The following PTN variants were observed in gnomAD, a reference collection of about 807,000 sequenced individuals.
The protein encoded by PTN is heparin affin regulatory protein.
A neutral mutation model predicts 24.1 loss-of-function variants in PTN; 18 were observed. That is an observed-to-expected ratio of 0.75 (90% confidence interval 0.52 to 1.11). PTN has a LOEUF of 1.11. Among genes scored for constraint, PTN ranks in the 50% least tolerant of loss-of-function variants. The pLI, the probability that PTN is intolerant of heterozygous loss-of-function variation, is 0.00. For missense variants in PTN, 163 were observed against 198.8 expected, an observed-to-expected ratio of 0.82 and a Z score of 1.08; for synonymous variants, 78 against 68.6, an observed-to-expected ratio of 1.14 and a Z score of -0.67.
intron 1 of PTN, among the ~76,000 whole-genome samples, chr7:137,331,194 A>G (rs1035278194): frequency 6.6e-6 from 1 of 152,132 alleles, no homozygotes; most frequent in Non-Finnish European, 1.5e-5. Flanking sequence ...TGCTTTTAGG[A>G]AATGTGGATC....
chr7:137,257,447 T>C (rs1455639196), intron 1 of PTN, among the ~76,000 whole-genome samples: 2 of 152,214 alleles, frequency 1.3e-5, no homozygotes, highest in Admixed American at 6.5e-5. Flanking sequence ...TCTAGACTCA[T>C]AGGTTTGCAA....
At position 137,246,180 on chromosome 7, in the gene PTN, T is replaced by C. The variant is rs905437684; in HGVS notation, c.451+5050A>G. On this transcript the variant is annotated intron_variant, in intron 4 of 4. Transcript: ENST00000348225. The stretch of plus-strand genomic sequence containing the variant: ...GTAAGTGCCCTACAGAGATGTACCA[T>C]TTTTTTCTTTTATACCATATTTTTA... 2.6e-5 allele frequency among the ~76,000 whole-genome samples: 4 copies of C among 152,144 alleles called. No individual in the cohort carries two copies. In the East Asian group the frequency reaches 7.7e-4, roughly 29 times the overall value.
In PTN at chr7:137,297,962, T is replaced by C. The variant is rs529638274; in HGVS notation, c.-1-42988A>G. ...TTACCGTCTGCACTCACTAACCCTG[T>C]CACAAGCTTGTTCCACATCTAACTC... On this transcript the variant is annotated intron_variant, in intron 1 of 4. Transcript: ENST00000348225. Among the ~76,000 whole-genome samples, 3 of 152,062 alleles carry C rather than the reference T, an allele frequency of 2.0e-5. No homozygotes were observed. In the East Asian group the frequency reaches 5.8e-4, roughly 30 times the overall value.
intron 1 of PTN, among the ~76,000 whole-genome samples, chr7:137,261,866 A>C (rs989704954): frequency 2.0e-5 from 3 of 152,198 alleles, no homozygotes; most frequent in Non-Finnish European, 4.4e-5. Flanking sequence ...CTTTCTCTGC[A>C]TGTGGGGCAG....
chr7:137,230,918 T>C (rs187043296), intron 4 of PTN, among the ~76,000 whole-genome samples: 48 of 152,008 alleles, frequency 3.2e-4, no homozygotes, highest in Middle Eastern at 6.8e-3. Context: ...TGTTTTTCTC[T>C]CTAGTCTCTG....
At chr7:137,232,893 T>C (rs2128867560) in intron 4 of PTN, among the ~76,000 whole-genome samples, 1 of 152,046 alleles carries the variant, frequency 6.6e-6, no homozygotes, top group African/African-American at 2.4e-5. Context: ...TCATTCTCTT[T>C]CCTGCCACCC....
At chr7:137,325,053 T>A (rs1585045573) in intron 1 of PTN, among the ~76,000 whole-genome samples, 1 of 152,270 alleles carries the variant, frequency 6.6e-6, no homozygotes, top group East Asian at 1.9e-4. Flanking sequence ...AGGAAACAGA[T>A]AAGGCAGAGC....
At chr7:137,258,288 A>G (rs559458177) in intron 1 of PTN, among the ~76,000 whole-genome samples, 1 of 152,218 alleles carries the variant, frequency 6.6e-6, no homozygotes, top group Non-Finnish European at 1.5e-5. Flanking sequence ...GTAGAATGGA[A>G]ATACACTCTA....
At chr7:137,248,862 A>C (rs1327392003) in intron 4 of PTN, among the ~76,000 whole-genome samples, 1 of 152,102 alleles carries the variant, frequency 6.6e-6, no homozygotes, top group Non-Finnish European at 1.5e-5. Flanking sequence ...ACATAGAATC[A>C]CTCATAGTAA....
intron 1 of PTN, among the ~76,000 whole-genome samples, chr7:137,310,047 G>C (rs1399163932): frequency 6.6e-6 from 1 of 152,124 alleles, no homozygotes; most frequent in South Asian, 2.1e-4. Context: ...CATATAACTT[G>C]AAAGTTGAAA....
intron 4 of PTN, among the ~76,000 whole-genome samples, chr7:137,229,564 T>C (rs1352364117): frequency 1.3e-5 from 2 of 151,784 alleles, no homozygotes; most frequent in Admixed American, 1.3e-4. Context: ...TTCTGTTCAA[T>C]GTAATTGTCC....
chr7:137,296,496 A>T (rs1809720204), intron 1 of PTN, among the ~76,000 whole-genome samples: 1 of 152,066 alleles, frequency 6.6e-6, no homozygotes, highest in Admixed American at 6.6e-5. Flanking sequence ...TCACATCTCT[A>T]CCAATTGCCA....
At chr7:137,280,471 G>A (rs866917099) in intron 1 of PTN, among the ~76,000 whole-genome samples, 20 of 151,642 alleles carry the variant, frequency 1.3e-4, no homozygotes, top group African/African-American at 4.1e-4. Context: ...AGCAAGAGGC[G>A]AGAATTCTAG....
At chr7:137,316,354 C>T (rs1211232250) in intron 1 of PTN, among the ~76,000 whole-genome samples, 1 of 152,164 alleles carries the variant, frequency 6.6e-6, no homozygotes, top group Non-Finnish European at 1.5e-5. Flanking sequence ...TCCTACACCT[C>T]ATTTTCTACC....
At chr7:137,303,813 T>A (rs771212020) in intron 1 of PTN, among the ~76,000 whole-genome samples, 1 of 152,006 alleles carries the variant, frequency 6.6e-6, no homozygotes, top group Non-Finnish European at 1.5e-5. Flanking sequence ...CTAAACCAGC[T>A]AAGCTTAAGT....
intron 1 of PTN, among the ~76,000 whole-genome samples, chr7:137,296,876 T>C (rs536061427): frequency 1.3e-5 from 2 of 152,168 alleles, no homozygotes; most frequent in Admixed American, 6.5e-5. Context: ...TTGGATGGCC[T>C]AAGAAGTCCT....
intron 4 of PTN, 113 bp downstream of exon 4, chr7:137,251,117 G>T: frequency 4.7e-6 from 6 of 1,279,040 alleles, no homozygotes; most frequent in Non-Finnish European, 3.3e-6. Context: ...GAGTTTTTCA[G>T]TCACTTTCTT....
intron 1 of PTN, among the ~76,000 whole-genome samples, chr7:137,274,371 T>A (rs1393118991): frequency 6.6e-6 from 1 of 152,188 alleles, no homozygotes; most frequent in Non-Finnish European, 1.5e-5. Context: ...CAGTATTTTT[T>A]TTTATATATA....
intron 1 of PTN, among the ~76,000 whole-genome samples, chr7:137,301,177 T>C (rs1320844932): frequency 6.6e-6 from 1 of 151,668 alleles, no homozygotes; most frequent in African/African-American, 2.4e-5. Context: ...GAATGAAAAA[T>C]AAAATAGGCA....
Sources: allele counts gnomAD v4.1 joint callset (sites outside exome capture counted in the v4.1 genomes callset), GRCh38; gene constraint gnomAD v4.1.1; transcripts MANE v1.5; gene names NCBI Gene and HGNC (gene_info 2026-07-23, HGNC 2026-07-21).